Variants in IL6R observed in about 807,000 individuals in gnomAD.
The protein encoded by IL6R is interleukin-6 receptor subunit alpha.
A neutral mutation model predicts 48.3 loss-of-function variants in IL6R; 38 were observed. The observed-to-expected ratio is 0.79, with a 90% confidence interval of 0.61 to 1.03. IL6R has a LOEUF of 1.03. IL6R is among the 50% of genes least tolerant of loss of function. The pLI is 0.00. For missense variants in IL6R, 534 were observed against 618.3 expected, an observed-to-expected ratio of 0.86 and a Z score of 1.45; for synonymous variants, 264 against 256.2, an observed-to-expected ratio of 1.03 and a Z score of -0.29.
chr1:154,442,624 T>C (rs1690002546), intron 6 of IL6R, among the ~76,000 whole-genome samples: 1 of 152,170 alleles, frequency 6.6e-6, no homozygotes, highest in Non-Finnish European at 1.5e-5. Flanking sequence ...TTGTATGAAG[T>C]TGGGGGTCCC....
At chr1:154,459,985 T>C (rs1359835717) in intron 9 of IL6R, among the ~76,000 whole-genome samples, 1 of 152,138 alleles carries the variant, frequency 6.6e-6, no homozygotes, top group Admixed American at 6.6e-5. Context: ...GGGACTTTCA[T>C]GGTGTTCCGG....
At chr1:154,454,703 C>A in intron 9 of IL6R, 122 bp downstream of exon 9, 1 of 717,602 alleles carries the variant, frequency 1.4e-6, no homozygotes, top group Non-Finnish European at 2.5e-6. Context: ...CAAATGAATG[C>A]ACACACCACA....
chr1:154,413,086 C>T (rs1688127867), intron 1 of IL6R, among the ~76,000 whole-genome samples: 1 of 151,754 alleles, frequency 6.6e-6, no homozygotes, highest in African/African-American at 2.4e-5. Context: ...ACTGCAACCT[C>T]TGCCTCCCGG....
intron 1 of IL6R, among the ~76,000 whole-genome samples, chr1:154,407,435 T>C (rs542770657): frequency 6.6e-6 from 1 of 152,202 alleles, no homozygotes; most frequent in East Asian, 1.9e-4. Context: ...TCTCATGGCC[T>C]GAACAGCCCA....
At chr1:154,416,485 T>C (rs1413579287) in intron 1 of IL6R, among the ~76,000 whole-genome samples, 1 of 152,078 alleles carries the variant, frequency 6.6e-6, no homozygotes, top group Non-Finnish European at 1.5e-5. Flanking sequence ...CTGATGTATT[T>C]TTAATGCCGA....
intron 1 of IL6R, among the ~76,000 whole-genome samples, chr1:154,408,157 G>A (rs1687835348): frequency 6.6e-6 from 1 of 152,102 alleles, no homozygotes; most frequent in Non-Finnish European, 1.5e-5. Flanking sequence ...GAACACCTAG[G>A]AGTGAGGCCT....
At chr1:154,441,730 G>A (rs1249127527) in intron 6 of IL6R, among the ~76,000 whole-genome samples, 1 of 152,198 alleles carries the variant, frequency 6.6e-6, no homozygotes, top group African/African-American at 2.4e-5. Context: ...CCACCCCAAG[G>A]ACCTTCAGCT....
Position 154,465,788 on chromosome 1 carries a change from A to G in IL6R, c.*408A>G. On this transcript the variant is annotated 3_prime_UTR_variant, in exon 10 of 10. Coordinates refer to ENST00000368485, the MANE Select transcript of IL6R (RefSeq NM_000565.4). ...GGCAGGTGGGATGGATTTCCAGCCA[A>G]AGCCTCCTCCAGCCGCCATGCTCCT... is the stretch of plus-strand genomic sequence containing the variant. 5.4e-6 allele frequency: 1 copy of G among 183,776 alleles called. No homozygotes were observed. The allele number at this position is 183,776 out of a possible 1,614,324, so 11.4% of individuals were successfully genotyped here. A position where few individuals can be genotyped will look rare whatever the true frequency, so the allele number is the denominator to read the frequency against.
intron 8 of IL6R, among the ~76,000 whole-genome samples, chr1:154,451,474 A>T (rs1690576611): frequency 6.6e-6 from 1 of 152,058 alleles, no homozygotes; most frequent in South Asian, 2.1e-4. Flanking sequence ...GCTGAGATCG[A>T]GCCACTGCAC....
intron 9 of IL6R, among the ~76,000 whole-genome samples, chr1:154,456,740 G>A (rs1479251736): frequency 1.3e-5 from 2 of 152,148 alleles, no homozygotes; most frequent in African/African-American, 2.4e-5. Flanking sequence ...AACCTCAAGC[G>A]GACACGCTTG....
chr1:154,452,867 G>T (rs1318085413), intron 8 of IL6R, among the ~76,000 whole-genome samples: 1 of 151,610 alleles, frequency 6.6e-6, no homozygotes, highest in Non-Finnish European at 1.5e-5. Flanking sequence ...GATCCATTTA[G>T]ATACATGATA....
At chr1:154,435,675 T>G (rs1159543093) in intron 5 of IL6R, among the ~76,000 whole-genome samples, 1 of 152,198 alleles carries the variant, frequency 6.6e-6, no homozygotes, top group African/African-American at 2.4e-5. Context: ...AGTCTCCTCT[T>G]CCCGGGCTTG....
At chr1:154,432,873 GC>G (rs1689382190) in intron 3 of IL6R, among the ~76,000 whole-genome samples, 1 of 152,224 alleles carries the variant, frequency 6.6e-6, no homozygotes, top group Non-Finnish European at 1.5e-5. Flanking sequence ...CCACTGCAGG[GC>G]CTGGAAGAGA....
intron 9 of IL6R, among the ~76,000 whole-genome samples, chr1:154,464,815 C>T (rs766649018): frequency 3.3e-5 from 5 of 151,938 alleles, no homozygotes; most frequent in African/African-American, 7.3e-5. Context: ...AAAAATCAGT[C>T]GGATGTAGTG....
Position 154,436,004 on chromosome 1 carries a change from C to A in IL6R, c.843C>A (p.Asp281Glu). ...TCCAGCATCACTGTGTCATCCACGA[C>A]GCCTGGAGCGGCCTGAGGCACGTGG... ...KDLQHHCVIH[D>E]AWSGLRHVVQ... The change falls in exon 6 of 10, where the codon GAC becomes GAA. Residue 281 changes from aspartate to glutamate, a missense_variant. Physicochemically the swap from Asp to Glu is conservative, Grantham distance 45. Coordinates refer to ENST00000368485, the MANE Select transcript of IL6R (RefSeq NM_000565.4). 6.2e-7 allele frequency: 1 copy of A among 1,611,530 alleles called. No homozygotes were observed. Among genetic ancestry groups the A allele is most frequent in the Non-Finnish European group, 8.5e-7 (1 of 1,178,306 alleles).
chr1:154,448,884 T>C (rs1215065391), intron 7 of IL6R, among the ~76,000 whole-genome samples: 2 of 131,172 alleles, frequency 1.5e-5, no homozygotes, highest in African/African-American at 2.8e-5. Flanking sequence ...GCTTTTTTTT[T>C]TTTTTTTTTT....
intron 9 of IL6R, among the ~76,000 whole-genome samples, chr1:154,463,765 G>A (rs1341937688): frequency 6.6e-6 from 1 of 152,240 alleles, no homozygotes. Context: ...GAGCTGTCAA[G>A]TGACTTTTCT....
At chr1:154,416,593 TG>T (rs1688370007) in intron 1 of IL6R, among the ~76,000 whole-genome samples, 1 of 152,116 alleles carries the variant, frequency 6.6e-6, no homozygotes, top group Admixed American at 6.5e-5. Flanking sequence ...AGGGGAGATG[TG>T]CCCAGGACAC....
At chr1:154,444,095 C>A (rs1280943996) in intron 6 of IL6R, among the ~76,000 whole-genome samples, 1 of 152,192 alleles carries the variant, frequency 6.6e-6, no homozygotes, top group Non-Finnish European at 1.5e-5. Flanking sequence ...CTCATCCTCG[C>A]ATTGCCTATC....
Sources: allele counts gnomAD v4.1 joint callset (sites outside exome capture counted in the v4.1 genomes callset), GRCh38; gene constraint gnomAD v4.1.1; transcripts MANE v1.5; gene names NCBI Gene and HGNC (gene_info 2026-07-23, HGNC 2026-07-21).